EYS: variants seen among roughly 807,000 people sequenced by gnomAD.
EYS encodes the protein protein eyes shut homolog.
A neutral mutation model predicts 282.1 loss-of-function variants in EYS; 250 were observed. That is an observed-to-expected ratio of 0.89 (90% CI 0.80 to 0.98). The LOEUF is 0.98. Ranked by LOEUF, EYS falls within the 50% of genes least tolerant of loss-of-function variation. EYS has a pLI of 0.00. For missense variants in EYS, 4,016 were observed against 3,709.0 expected (o/e 1.08, Z -2.15); for synonymous variants, 1,355 against 1,282.9 (o/e 1.06, Z -1.20).
chr6:65,286,657 A>G (rs1024381548), intron 12 of EYS, among the ~76,000 whole-genome samples: 1 of 151,738 alleles, frequency 6.6e-6, no homozygotes, highest in African/African-American at 2.4e-5. Context: ...CTTTGAGAGT[A>G]CTAAAAATGT....
chr6:65,449,490 C>G (rs963366380), intron 5 of EYS, among the ~76,000 whole-genome samples: 1 of 151,916 alleles, frequency 6.6e-6, no homozygotes, highest in Non-Finnish European at 1.5e-5. Context: ...CAATTGAAAA[C>G]AAAAGAACAA....
In EYS at chr6:64,253,944, C is replaced by T. The variant is rs1397373624; in HGVS notation, c.6192-23120G>A. ...GTTGTGATCTGCTTAGTAATACACC[C>T]CTTCTTATTTGTCCTCTGTATGCAC... On this transcript the variant is annotated intron_variant, in intron 30 of 42. Transcript: ENST00000503581. 5.3e-5 allele frequency among the ~76,000 whole-genome samples: 8 copies of T among 152,198 alleles called. No individual in the cohort carries two copies. The East Asian group carries it at 1.2e-3, about 22-fold the overall frequency.
intron 12 of EYS, among the ~76,000 whole-genome samples, chr6:65,277,138 C>T (rs1026496088): frequency 6.6e-6 from 1 of 152,048 alleles, no homozygotes; most frequent in Non-Finnish European, 1.5e-5. Context: ...GGTGCCCTTA[C>T]AAAAGGGACC....
chr6:65,575,392 A>C (rs986348556), intron 2 of EYS, among the ~76,000 whole-genome samples: 2 of 151,386 alleles, frequency 1.3e-5, no homozygotes, highest in Non-Finnish European at 2.9e-5. Flanking sequence ...ATATCTTCAG[A>C]GAAACAAAAA....
intron 26 of EYS, among the ~76,000 whole-genome samples, chr6:64,524,494 T>C (rs993221980): frequency 2.6e-5 from 4 of 151,952 alleles, no homozygotes; most frequent in African/African-American, 9.7e-5. Flanking sequence ...ATCCCATTTG[T>C]CAATTTTTGC....
In EYS at chr6:64,408,695, T is replaced by A. The variant is rs1041072119; in HGVS notation, c.5928-19855A>T. 1.2e-4 allele frequency among the ~76,000 whole-genome samples: 18 copies of A among 152,334 alleles called. 1 individual carries two copies. Among genetic ancestry groups the A allele is most frequent in the Admixed American group, 1.1e-3 (17 of 15,296 alleles). The stretch of plus-strand genomic sequence containing the variant: ...AGATACAAAAACCAAACTTCTGTAG[T>A]GTCTGTAGGGTACAGAGAATTGGTA... On this transcript the variant is annotated intron_variant, in intron 28 of 42. Transcript: ENST00000503581.
At chr6:64,509,198 C>T (rs1227496747) in intron 26 of EYS, among the ~76,000 whole-genome samples, 1 of 152,064 alleles carries the variant, frequency 6.6e-6, no homozygotes, top group Non-Finnish European at 1.5e-5. Context: ...ATAGTTATTC[C>T]TTCATCTTTA....
chr6:63,998,692 C>T (rs530250701), intron 34 of EYS, among the ~76,000 whole-genome samples: 11 of 151,964 alleles, frequency 7.2e-5, no homozygotes, highest in South Asian at 2.1e-4. Flanking sequence ...AGACTGGGAA[C>T]GGCCTTTTTT....
chr6:64,314,829 C>G (rs1769874843), intron 29 of EYS, among the ~76,000 whole-genome samples: 1 of 152,038 alleles, frequency 6.6e-6, no homozygotes. Flanking sequence ...TAGGAAAGAT[C>G]TAAAATTGAC....
intron 22 of EYS, among the ~76,000 whole-genome samples, chr6:64,674,021 A>G (rs1009997390): frequency 2.6e-5 from 4 of 152,134 alleles, no homozygotes; most frequent in African/African-American, 9.6e-5. Flanking sequence ...CAGTTCACAT[A>G]CTTGAAAAAC....
At chr6:64,780,589 G>C (rs1349979383) in intron 22 of EYS, among the ~76,000 whole-genome samples, 1 of 152,046 alleles carries the variant, frequency 6.6e-6, no homozygotes, top group Admixed American at 6.6e-5. Flanking sequence ...TTGGGCGATG[G>C]ATGCATTAGA....
At chr6:64,646,448 CATATT>C (rs200957774) in intron 22 of EYS, among the ~76,000 whole-genome samples, 2,112 of 152,178 alleles carry the variant, frequency 0.014, 22 homozygotes, top group Non-Finnish European at 0.022. Context: ...CAAATATTCT[CATATT>C]ATAAGTACAT....
chr6:64,243,890 G>A (rs1766919883), intron 30 of EYS, among the ~76,000 whole-genome samples: 1 of 152,064 alleles, frequency 6.6e-6, no homozygotes, highest in African/African-American at 2.4e-5. Context: ...AAACATCATG[G>A]TTGTTTCAAG....
intron 22 of EYS, among the ~76,000 whole-genome samples, chr6:64,743,977 T>C (rs969453724): frequency 1.3e-5 from 2 of 152,272 alleles, no homozygotes; most frequent in African/African-American, 4.8e-5. Flanking sequence ...AGAATAATTC[T>C]ATAATGCATA....
chr6:65,180,029 T>A (rs900804867), intron 12 of EYS, among the ~76,000 whole-genome samples: 1 of 151,992 alleles, frequency 6.6e-6, no homozygotes, highest in Non-Finnish European at 1.5e-5. Context: ...AAAATCTCAA[T>A]AAACTACGTA....
At chr6:64,597,917 ATCT>A (rs1766638540) in intron 24 of EYS, among the ~76,000 whole-genome samples, 1 of 152,118 alleles carries the variant, frequency 6.6e-6, no homozygotes, top group African/African-American at 2.4e-5. Flanking sequence ...CAAAAAAGAT[ATCT>A]TCAATATTAT....
chr6:65,356,196 G>C (rs183955351), intron 8 of EYS, among the ~76,000 whole-genome samples: 1 of 151,842 alleles, frequency 6.6e-6, no homozygotes, highest in South Asian at 2.1e-4. Flanking sequence ...TGTCTTCTGC[G>C]GCAAAAAAAT....
chr6:64,874,858 T>C (rs1766696066), intron 19 of EYS, among the ~76,000 whole-genome samples: 1 of 152,022 alleles, frequency 6.6e-6, no homozygotes, highest in East Asian at 1.9e-4. Context: ...GCTAAGGTAG[T>C]TCACATCGTG....
intron 26 of EYS, among the ~76,000 whole-genome samples, chr6:64,490,402 A>G (rs1349836023): frequency 1.3e-5 from 2 of 151,000 alleles, no homozygotes; most frequent in Admixed American, 1.3e-4. Flanking sequence ...TAACTGTTTA[A>G]TTTTGTCATA....
Sources: gnomAD v4.1 joint callset for allele counts (sites outside exome capture counted in the v4.1 genomes callset) on GRCh38, gnomAD v4.1.1 for gene constraint, MANE v1.5 for transcripts, NCBI Gene and HGNC (gene_info 2026-07-23, HGNC 2026-07-21) for gene names.